The following STARD4 variants were observed in gnomAD, a reference collection of about 807,000 sequenced individuals.
STARD4 encodes the protein StAR related lipid transfer domain containing 4, also known as stAR-related lipid transfer protein 4.
In STARD4, 33 loss-of-function variants were observed where a neutral mutation model predicts 24.9. The ratio of observed to expected loss-of-function variants is 1.32; its 90% CI spans 1.00 to 1.77. STARD4 has a LOEUF of 1.77. Among genes scored for constraint, STARD4 ranks in the 40% most tolerant of loss-of-function variants. STARD4 has a pLI of 0.00. For synonymous variants in STARD4, 88 were observed against 77.4 expected, an observed-to-expected ratio of 1.14 and a Z score of -0.72; for missense variants, 238 against 249.3, an observed-to-expected ratio of 0.95 and a Z score of 0.31.
intron 5 of STARD4, 45 bp downstream of exon 5, chr5:111,500,957 A>G (rs1554078333): frequency 6.2e-7 from 1 of 1,612,660 alleles, no homozygotes; most frequent in Non-Finnish European, 8.5e-7. Flanking sequence ...AAACACAAAT[A>G]TTTAAACCAT....
chr5:111,500,709 C>G (rs996854871), intron 5 of STARD4: 1 of 1,377,914 alleles, frequency 7.3e-7, no homozygotes. Flanking sequence ...CTGAGAGTGG[C>G]TTAGAAGAAA....
rs191928085 is a variant in STARD4, at chr5:111,496,333, C to A, written c.*3553G>T. ...ATTATTCTGATGTTTCTTCTACACT[C>A]AAGTCCCAACCTTCTCTACTTCTAG... On this transcript the variant is annotated 3_prime_UTR_variant, in exon 6 of 6. Transcript: ENST00000296632. 1 of 152,062 alleles carries A rather than the reference C, an allele frequency of 6.6e-6. No individual in the cohort carries two copies. The highest frequency in any genetic ancestry group is 1.5e-5 in the Non-Finnish European group (1 of 67,988). 9.4% of individuals were successfully genotyped at this position (152,062 alleles called of 1,614,324 possible). A position where few individuals can be genotyped will look rare whatever the true frequency, so the allele number is the denominator to read the frequency against.
chr5:111,511,117 A>C (rs1056045694), intron 1 of STARD4, among the ~76,000 whole-genome samples: 1 of 152,242 alleles, frequency 6.6e-6, no homozygotes, highest in African/African-American at 2.4e-5. Context: ...ATTTCCAATC[A>C]ATGTTGAACT....
rs767010005 is a variant in STARD4 at position 111,501,101 on chromosome 5, G to A, written c.298C>T (p.Arg100Cys). 16 of 1,596,664 alleles carry A rather than the reference G, an allele frequency of 1.0e-5. No homozygotes were observed. The highest frequency in any genetic ancestry group is 5.7e-5 in the South Asian group (5 of 87,742). Residue 100 changes from arginine (R) to cysteine (C), a missense_variant, in exon 5 of 6, where the codon CGT (arginine) becomes TGT (cysteine). Physicochemically the swap from Arg to Cys is radical, Grantham distance 180 (BLOSUM62 -3). Coordinates refer to ENST00000296632, the MANE Select transcript of STARD4 (RefSeq NM_139164.3). Reference protein sequence around the residue: ...ENFEENCCVMRYTTAGQLWNI... With the variant: ...ENFEENCCVMCYTTAGQLWNI... The stretch of plus-strand genomic sequence containing the variant: ...CAAAGCTGACCAGCAGTAGTGTAAC[G>A]CATCACACAGCAATTCTGAAAAAGA...
Position 111,507,591 on chromosome 5 carries a change from G to A in STARD4, c.-9-149C>T. 3.7e-6 allele frequency: 2 copies of A among 537,264 alleles called. No individual in the cohort carries two copies. The highest frequency in any genetic ancestry group is 6.4e-5 in the East Asian group (2 of 31,258). The allele number at this position is 537,264 out of a possible 1,614,324, so 33.3% of individuals were successfully genotyped here. On this transcript the variant is annotated intron_variant, in intron 1 of 5. Transcript: ENST00000296632. The surrounding 1 kb of genome is among the most constrained non-coding windows in gnomAD (Gnocchi z 4.4). ...CCCAAATCAACTAATCATAATCTCT[G>A]AGAGTAGGACCCGGGCATAGTTTTT...
intron 3 of STARD4, among the ~76,000 whole-genome samples, chr5:111,505,597 TCTC>T (rs1401955931): frequency 6.6e-6 from 1 of 152,214 alleles, no homozygotes; most frequent in African/African-American, 2.4e-5. Context: ...TACTGAATTG[TCTC>T]CTCCTATTGA....
chr5:111,498,532 T>A lies in STARD4; in HGVS notation c.*1354A>T, dbSNP rs938894210. The stretch of plus-strand genomic sequence containing the variant: ...AAAATAGATGAAGTCAAAACTAACA[T>A]TTACCAATTTCCATGAGAAACTGAA... On this transcript the variant is annotated 3_prime_UTR_variant, in exon 6 of 6. Transcript: ENST00000296632. The A allele has an allele frequency of 6.6e-6, 1 of 151,872 alleles. No homozygotes were observed. Among genetic ancestry groups the A allele is most frequent in the African/African-American group, 2.4e-5 (1 of 41,354 alleles). The allele number at this position is 151,872 out of a possible 1,614,324, so 9.4% of individuals were successfully genotyped here.
chr5:111,505,772 C>A (rs1231710929), intron 3 of STARD4, among the ~76,000 whole-genome samples: 2 of 152,126 alleles, frequency 1.3e-5, no homozygotes, highest in African/African-American at 4.8e-5. Flanking sequence ...GTCATGTATA[C>A]AATGCTAAGA....
Position 111,496,680 on chromosome 5 carries a change from G to A in STARD4, c.*3206C>T, listed in dbSNP as rs1286866484. ...ACAACCTCAATTACATAGTTTTTTA[G>A]CTTGAGATATTAATTGAATTCAGCA... is the stretch of plus-strand genomic sequence containing the variant. On this transcript the variant is annotated 3_prime_UTR_variant, in exon 6 of 6. Transcript: ENST00000296632. 6.6e-6 allele frequency: 1 copy of A among 151,914 alleles called. No individual in the cohort carries two copies. Among genetic ancestry groups the A allele is most frequent in the Non-Finnish European group, 1.5e-5 (1 of 67,946 alleles). The allele number at this position is 151,914 out of a possible 1,614,324, so 9.4% of individuals were successfully genotyped here.
In STARD4 at chr5:111,499,960, G is replaced by T. The variant is rs1176476159; in HGVS notation, c.544C>A (p.Pro182Thr). Residue 182 changes from proline to threonine, a missense_variant, in exon 6 of 6, where the codon CCT becomes ACT. Coordinates refer to ENST00000296632, the MANE Select transcript of STARD4 (RefSeq NM_139164.3). Reference protein sequence around the residue: ...YIQTDLRGMIPQSAVDTAMAS... With the variant: ...YIQTDLRGMITQSAVDTAMAS... ...ATGGCTGTATCTACCGCAGACTGAG[G>T]AATCATCCCACGCAGATCTGTCTGA... is the stretch of plus-strand genomic sequence containing the variant. The T allele has an allele frequency of 6.2e-7, 1 of 1,614,096 alleles. No homozygotes were observed.
chr5:111,499,118 A>T lies in STARD4; in HGVS notation c.*768T>A, dbSNP rs900170865. 1 of 152,186 alleles carries T rather than the reference A, an allele frequency of 6.6e-6. No individual in the cohort carries two copies. The highest frequency in any genetic ancestry group is 2.4e-5 in the African/African-American group (1 of 41,448). 9.4% of individuals were successfully genotyped at this position (152,186 alleles called of 1,614,324 possible). On this transcript the variant is annotated 3_prime_UTR_variant, in exon 6 of 6. Coordinates refer to ENST00000296632, the MANE Select transcript of STARD4 (RefSeq NM_139164.3). ...TGTACACAAAAAAATATATACAAAG[A>T]TTTGCCTGGATACCTGAATTGCCTC...
chr5:111,501,801 G>A (rs1301417198), intron 4 of STARD4, among the ~76,000 whole-genome samples, 161 bp downstream of exon 4: 1 of 152,218 alleles, frequency 6.6e-6, no homozygotes, highest in Admixed American at 6.5e-5. Flanking sequence ...AACTTTTTAA[G>A]AGGCAGCATG....
chr5:111,500,204 A>G, intron 5 of STARD4, 98 bp from the exon 6 acceptor site: 1 of 1,393,052 alleles, frequency 7.2e-7, no homozygotes, highest in South Asian at 1.7e-5. Flanking sequence ...AATATTTATT[A>G]TTATCCATAT....
chr5:111,497,603 T>C lies in STARD4; in HGVS notation c.*2283A>G, dbSNP rs552133454. 5.3e-5 allele frequency: 8 copies of C among 152,194 alleles called. No individual in the cohort carries two copies. The East Asian group carries it at 1.3e-3, about 26-fold the overall frequency. The allele number at this position is 152,194 out of a possible 1,614,324, so 9.4% of individuals were successfully genotyped here. ...AACATTTTGGATGTATTGAGTTAAA[T>C]AAAATATTAAAATTAACTTCAGCTG... On this transcript the variant is annotated 3_prime_UTR_variant, in exon 6 of 6. Coordinates refer to ENST00000296632, the MANE Select transcript of STARD4 (RefSeq NM_139164.3).
rs1756360176 is a variant in STARD4, at chr5:111,500,522, TACACTATATAC to T, written c.398-427_398-417del. The T allele has an allele frequency of 1.2e-5, 13 of 1,043,638 alleles. No homozygotes were observed. The South Asian group carries it at 5.2e-4, about 42-fold the overall frequency. 64.6% of individuals were successfully genotyped at this position (1,043,638 alleles called of 1,614,324 possible). ...TTACTTACAACTGCTAACTTAAGTA[TACACTATATAC>T]AAAATAATATTAATTTACCTATAGG... On this transcript the variant is annotated intron_variant, in intron 5 of 5. Transcript: ENST00000296632.
rs1201441280 is a variant in STARD4 at position 111,499,019 on chromosome 5, A to G, written c.*867T>C. ...CACTTTACCCATATTAACAACAACA[A>G]AACAGTAGACACAGGAATACTAACA... On this transcript the variant is annotated 3_prime_UTR_variant, in exon 6 of 6. Coordinates refer to ENST00000296632, the MANE Select transcript of STARD4 (RefSeq NM_139164.3). The G allele has an allele frequency of 6.6e-6, 1 of 152,140 alleles. No individual in the cohort carries two copies. Among genetic ancestry groups the G allele is most frequent in the East Asian group, 1.9e-4 (1 of 5,190 alleles). The allele number at this position is 152,140 out of a possible 1,614,324, so 9.4% of individuals were successfully genotyped here.
At position 111,496,988 on chromosome 5, in the gene STARD4, A is replaced by G. The variant is rs1297104839; in HGVS notation, c.*2898T>C. 1 of 152,022 alleles carries G rather than the reference A, an allele frequency of 6.6e-6. No individual in the cohort carries two copies. The allele number at this position is 152,022 out of a possible 1,614,324, so 9.4% of individuals were successfully genotyped here. On this transcript the variant is annotated 3_prime_UTR_variant, in exon 6 of 6. Transcript: ENST00000296632. ...TTTAAGGGTTAACTAAGAGTTATCA[A>G]CACAAACTAATATTTCATGCAAAAG...
chr5:111,499,614 T>C lies in STARD4; in HGVS notation c.*272A>G, dbSNP rs1449631566. The C allele has an allele frequency of 2.4e-6, 1 of 409,782 alleles. No homozygotes were observed. The highest frequency in any genetic ancestry group is 4.4e-6 in the Non-Finnish European group (1 of 226,232). 25.4% of individuals were successfully genotyped at this position (409,782 alleles called of 1,614,324 possible). ...TAGAATAACCCCTTGAGCGGTCAGA[T>C]CAAAGCTGCAGTGAGCTGTGATCAT... On this transcript the variant is annotated 3_prime_UTR_variant, in exon 6 of 6. Coordinates refer to ENST00000296632, the MANE Select transcript of STARD4 (RefSeq NM_139164.3).
intron 4 of STARD4, among the ~76,000 whole-genome samples, chr5:111,501,748 A>G (rs116711639): frequency 6.6e-6 from 1 of 152,322 alleles, no homozygotes; most frequent in Non-Finnish European, 1.5e-5. Flanking sequence ...ACTGTGGAAA[A>G]GAAACTCAGT....
Sources: allele counts gnomAD v4.1 joint callset (sites outside exome capture counted in the v4.1 genomes callset), GRCh38; gene constraint gnomAD v4.1.1; non-coding constraint Gnocchi (gnomAD v3.1); transcripts MANE v1.5; gene names NCBI Gene and HGNC (gene_info 2026-07-23, HGNC 2026-07-21).